EXOC3L2: variants seen among roughly 807,000 people sequenced by gnomAD.
The protein encoded by EXOC3L2 is exocyst complex component 3-like protein 2.
A neutral mutation model predicts 44.4 loss-of-function variants in EXOC3L2; 17 were observed. The ratio of observed to expected loss-of-function variants is 0.38; its 90% CI spans 0.26 to 0.57. The LOEUF is 0.57. EXOC3L2 is among the 20% of genes least tolerant of loss of function. The pLI, the probability that EXOC3L2 is intolerant of heterozygous loss-of-function variation, is 0.65. For missense variants in EXOC3L2, 541 were observed against 588.4 expected (o/e 0.92, Z 0.83); for synonymous variants, 256 against 253.7 (o/e 1.01, Z -0.09).
chr19:45,220,567 A>G (rs1172270678), intron 8 of EXOC3L2, among the ~76,000 whole-genome samples: 1 of 152,168 alleles, frequency 6.6e-6, no homozygotes, highest in Non-Finnish European at 1.5e-5. Flanking sequence ...GCATTAAACC[A>G]AGATTGGGCC....
rs1007093361 is a variant in EXOC3L2 at position 45,227,553 on chromosome 19, C to T, written c.1583+109G>A. The stretch of plus-strand genomic sequence containing the variant: ...GATTTTATGCGTCTAAGGTCCCATG[C>T]TCAGACTCCCCTGAGTCAGTTCTGC... On this transcript the variant is annotated intron_variant, in intron 7 of 11. Coordinates refer to ENST00000413988, the MANE Select transcript of EXOC3L2 (RefSeq NM_001382422.1). 4.6e-6 allele frequency: 4 copies of T among 869,500 alleles called. No individual in the cohort carries two copies. The African/African-American group carries it at 6.6e-5, about 14-fold the overall frequency. The allele number at this position is 869,500 out of a possible 1,614,324, so 53.9% of individuals were successfully genotyped here.
intron 8 of EXOC3L2, among the ~76,000 whole-genome samples, chr19:45,220,465 A>C (rs1034632194): frequency 2.6e-5 from 4 of 152,098 alleles, no homozygotes; most frequent in Non-Finnish European, 4.4e-5. Context: ...GCAAGATTCT[A>C]TCTCAAAAAA....
At chr19:45,215,744 C>T (rs1301849365) in intron 11 of EXOC3L2, among the ~76,000 whole-genome samples, 7 of 152,106 alleles carry the variant, frequency 4.6e-5, no homozygotes, top group African/African-American at 1.2e-4. Flanking sequence ...CGTGTGCGCC[C>T]GTGTGCCCTG....
chr19:45,229,701 C>G (rs1385960210), intron 4 of EXOC3L2, among the ~76,000 whole-genome samples: 1 of 149,436 alleles, frequency 6.7e-6, no homozygotes, highest in South Asian at 2.1e-4. Context: ...CAAAATTAGC[C>G]GGGCATGGTG....
intron 11 of EXOC3L2, 58 bp from the exon 12 acceptor site, chr19:45,213,415 A>G (rs1969800433): frequency 6.3e-7 from 1 of 1,592,004 alleles, no homozygotes; most frequent in African/African-American, 1.4e-5. Flanking sequence ...CACACACCCA[A>G]CCCAGCCGTG....
At chr19:45,241,125 C>T (rs1337671898) in intron 1 of EXOC3L2, among the ~76,000 whole-genome samples, 1 of 152,142 alleles carries the variant, frequency 6.6e-6, no homozygotes, top group African/African-American at 2.4e-5. Context: ...GCCCACTTCC[C>T]TGCCCTGGCC....
At chr19:45,239,467 C>T (rs901663366) in intron 1 of EXOC3L2, among the ~76,000 whole-genome samples, 7 of 151,582 alleles carry the variant, frequency 4.6e-5, no homozygotes, top group East Asian at 3.9e-4. Flanking sequence ...CCACCTGCCT[C>T]GGCCTCCCAA....
chr19:45,226,399 C>G (rs769490165), intron 7 of EXOC3L2, among the ~76,000 whole-genome samples: 1 of 152,088 alleles, frequency 6.6e-6, no homozygotes, highest in South Asian at 2.1e-4. Flanking sequence ...CCTGGGAGTC[C>G]GAGACCAGCC....
chr19:45,239,244 G>T (rs976122224), intron 1 of EXOC3L2, among the ~76,000 whole-genome samples, 183 bp from the exon 2 acceptor site: 1 of 149,096 alleles, frequency 6.7e-6, no homozygotes, highest in Non-Finnish European at 1.5e-5. Context: ...TTGAGACGGG[G>T]TCTCGCTCTG....
intron 1 of EXOC3L2, among the ~76,000 whole-genome samples, chr19:45,244,530 T>C (rs1234878763): frequency 6.6e-6 from 1 of 151,804 alleles, no homozygotes; most frequent in Non-Finnish European, 1.5e-5. Context: ...TCCTGCCCCC[T>C]CCAACCCTCT....
chr19:45,235,765 C>T lies in EXOC3L2; in HGVS notation c.524-939G>A, dbSNP rs1970078394. Among the ~76,000 whole-genome samples, 4 of 152,326 alleles carry T rather than the reference C, an allele frequency of 2.6e-5. No homozygotes were observed. In the South Asian group the frequency reaches 8.3e-4, roughly 32 times the overall value. On this transcript the variant is annotated intron_variant, in intron 2 of 11. Transcript: ENST00000413988. ...CGGGGCTCTAGTCACCCCCTCCTCA[C>T]CTCCCTCCAGTGCCCTCCCAGTCCC...
In EXOC3L2 at chr19:45,231,882, T is replaced by C; in HGVS notation, c.1158-8A>G. 1 of 1,572,342 alleles carries C rather than the reference T, an allele frequency of 6.4e-7. No individual in the cohort carries two copies. Among genetic ancestry groups the C allele is most frequent in the South Asian group, 1.1e-5 (1 of 89,116 alleles). ...ACCAGCCCTAGGACCTCTCTGGGGA[T>C]GGGGGTGAGAGAAAAGGAGGTCTGT... On this transcript the variant is annotated splice_polypyrimidine_tract_variant and splice_region_variant and intron_variant, in intron 3 of 11. Transcript: ENST00000413988.
Position 45,228,317 on chromosome 19 carries a change from C to CT in EXOC3L2, c.1270-52dup, listed in dbSNP as rs754822614. The CT allele has an allele frequency of 4.8e-4, 718 of 1,499,828 alleles. 1 individual carries two copies. The highest frequency in any genetic ancestry group is 1.2e-3 in the South Asian group (101 of 85,404). The allele number at this position is 1,499,828 out of a possible 1,614,324, so 92.9% of individuals were successfully genotyped here. A position where few individuals can be genotyped will look rare whatever the true frequency, so the allele number is the denominator to read the frequency against. Reference sequence around the variant, plus strand: ...CAGGAGTTGGGGGCGGCCTGGAGGTCTTTTTTTTTATCTCTTTCTCCCACC... The same window carrying CT: ...CAGGAGTTGGGGGCGGCCTGGAGGTCTTTTTTTTTTATCTCTTTCTCCCACC... On this transcript the variant is annotated intron_variant, in intron 4 of 11. Transcript: ENST00000413988.
In EXOC3L2 at chr19:45,234,859, C is replaced by CGG. The variant is rs964115855; in HGVS notation, c.524-35_524-34dup. 1 of 374,376 alleles carries CGG rather than the reference C, an allele frequency of 2.7e-6. No homozygotes were observed. The highest frequency in any genetic ancestry group is 4.7e-6 in the Non-Finnish European group (1 of 211,072). The allele number at this position is 374,376 out of a possible 1,614,324, so 23.2% of individuals were successfully genotyped here. On this transcript the variant is annotated intron_variant, in intron 2 of 11. Coordinates refer to ENST00000413988, the MANE Select transcript of EXOC3L2 (RefSeq NM_001382422.1). This position sits in a 1 kb window ranked among gnomAD's most constrained non-coding sequence, Gnocchi z 5.0. The stretch of plus-strand genomic sequence containing the variant: ...AGCAAAGCGGGAGGTCAGCAGTGCG[C>CGG]GGGGGGGAGGAGGGCGATGCCGGAC...
rs553873710 is a variant in EXOC3L2 at position 45,238,393 on chromosome 19, T to C, written c.523+130A>G. On this transcript the variant is annotated intron_variant, in intron 2 of 11. Transcript: ENST00000413988. This position sits in a 1 kb window ranked among gnomAD's most constrained non-coding sequence, Gnocchi z 5.5. ...GGAGGTGGGAGATGTGAGTTAGACATGTGAATTGCAGGTCGGGGTCACAGG... is the reference window on the plus strand; with the variant it reads ...GGAGGTGGGAGATGTGAGTTAGACACGTGAATTGCAGGTCGGGGTCACAGG... 7 of 398,808 alleles carry C rather than the reference T, an allele frequency of 1.8e-5. No individual in the cohort carries two copies. The East Asian group carries it at 2.1e-4, about 12-fold the overall frequency. 24.7% of individuals were successfully genotyped at this position (398,808 alleles called of 1,614,324 possible).
At chr19:45,243,242 T>G (rs1420527765) in intron 1 of EXOC3L2, among the ~76,000 whole-genome samples, 1 of 152,208 alleles carries the variant, frequency 6.6e-6, no homozygotes, top group Non-Finnish European at 1.5e-5. Context: ...CACTTGTTCT[T>G]CTATTGCTGG....
chr19:45,228,502 C>G (rs771616014), intron 4 of EXOC3L2, among the ~76,000 whole-genome samples: 1 of 152,064 alleles, frequency 6.6e-6, no homozygotes, highest in African/African-American at 2.4e-5. Flanking sequence ...TTTGGCCAAG[C>G]GCGATGGCTC....
At position 45,213,004 on chromosome 19, in the gene EXOC3L2, C is replaced by A; in HGVS notation, c.*65G>T. 7.1e-7 allele frequency: 1 copy of A among 1,411,178 alleles called. No individual in the cohort carries two copies. Among genetic ancestry groups the A allele is most frequent in the Admixed American group, 3.2e-5 (1 of 31,480 alleles). The allele number at this position is 1,411,178 out of a possible 1,614,324, so 87.4% of individuals were successfully genotyped here. On this transcript the variant is annotated 3_prime_UTR_variant, in exon 12 of 12. Coordinates refer to ENST00000413988, the MANE Select transcript of EXOC3L2 (RefSeq NM_001382422.1). ...CCCAGGCAGGGAGTCAGGAGGGGCG[C>A]CGTACGGGAGGTTGGCTTGTCAGCA...
intron 10 of EXOC3L2, among the ~76,000 whole-genome samples, chr19:45,217,167 G>A (rs1358442339): frequency 5.9e-5 from 9 of 152,124 alleles, no homozygotes; most frequent in South Asian, 2.1e-4. Flanking sequence ...GATTACAGGC[G>A]TGAGCCACCA....
Sources: gnomAD v4.1 joint callset for allele counts (sites outside exome capture counted in the v4.1 genomes callset) on GRCh38, gnomAD v4.1.1 for gene constraint, Gnocchi (gnomAD v3.1) non-coding constraint, MANE v1.5 for transcripts, NCBI Gene and HGNC (gene_info 2026-07-23, HGNC 2026-07-21) for gene names.